The following RABGAP1L variants were observed in gnomAD, a reference collection of about 807,000 sequenced individuals.
RABGAP1L encodes rab GTPase-activating protein 1-like.
A neutral mutation model predicts 137.7 loss-of-function variants in RABGAP1L; 63 were observed. The ratio of observed to expected loss-of-function variants is 0.46; its 90% CI spans 0.37 to 0.56. The LOEUF (loss-of-function observed/expected upper bound fraction) is 0.56, where lower values mean the gene tolerates loss of function less well. RABGAP1L is among the 20% of genes least tolerant of loss of function. RABGAP1L has a pLI of 0.00. For missense variants in RABGAP1L, 1,095 were observed against 1,244.0 expected (o/e 0.88, Z 1.80); for synonymous variants, 431 against 433.7 (o/e 0.99, Z 0.08).
At chr1:174,792,407 G>T (rs1368072253) in intron 18 of RABGAP1L, among the ~76,000 whole-genome samples, 1 of 152,170 alleles carries the variant, frequency 6.6e-6, no homozygotes, top group Non-Finnish European at 1.5e-5. Context: ...TTAGCTTAGA[G>T]AAAAGAAAAT....
intron 1 of RABGAP1L, among the ~76,000 whole-genome samples, chr1:174,215,457 C>CAA (rs776126975): frequency 8.2e-6 from 1 of 121,752 alleles, no homozygotes; most frequent in Non-Finnish European, 1.7e-5. Context: ...AACTCCATCT[C>CAA]AAAAAAAAAA....
At position 174,253,045 on chromosome 1, in the gene RABGAP1L, TATAA is replaced by T. The variant is rs142541592; in HGVS notation, c.986+461_986+464del. Among the ~76,000 whole-genome samples the T allele has an allele frequency of 2.3e-3, 348 of 152,300 alleles. 1 individual carries two copies. Among genetic ancestry groups the T allele is most frequent in the African/African-American group, 7.9e-3 (327 of 41,574 alleles). ...AACAAAGGAATGGTAGGACAAAAGA[TATAA>T]ATAAAGTCAACAAGAAATGATAGTT... On this transcript the variant is annotated intron_variant, in intron 7 of 25. Transcript: ENST00000681986.
rs1558281122 is a variant in RABGAP1L, at chr1:174,957,500, C to T, written c.2384C>T (p.Thr795Ile). The change falls in exon 20 of 26, where the codon ACA becomes ATA. Residue 795 changes from threonine to isoleucine, a missense_variant. Transcript: ENST00000681986. ...AAGAAATATGAGAAAGAATATCAGACAATGCGAGAGAGTCAGCTGCAACAG... is the reference window on the plus strand; with the variant it reads ...AAGAAATATGAGAAAGAATATCAGATAATGCGAGAGAGTCAGCTGCAACAG... The part of the protein sequence containing the change: ...KLKKYEKEYQ[T>I]MRESQLQQED... The T allele has an allele frequency of 6.2e-7, 1 of 1,613,644 alleles. No individual in the cohort carries two copies. Among genetic ancestry groups the T allele is most frequent in the Non-Finnish European group, 8.5e-7 (1 of 1,179,634 alleles).
In RABGAP1L at chr1:174,814,500, T is replaced by C. The variant is rs183776850; in HGVS notation, c.2340+2540T>C. Among the ~76,000 whole-genome samples, 7 of 152,262 alleles carry C rather than the reference T, an allele frequency of 4.6e-5. No individual in the cohort carries two copies. In the East Asian group the frequency reaches 1.4e-3, roughly 29 times the overall value. On this transcript the variant is annotated intron_variant, in intron 19 of 25. Coordinates refer to ENST00000681986, the MANE Select transcript of RABGAP1L (RefSeq NM_001366446.1). Reference sequence around the variant, plus strand: ...AAGGAAGACATAAGTCATCCAGTATTGGGCTGGGATTGTGCTGGGACTAGA... The same window carrying C: ...AAGGAAGACATAAGTCATCCAGTATCGGGCTGGGATTGTGCTGGGACTAGA...
chr1:174,172,188 GT>G (rs1665459246), intron 1 of RABGAP1L, among the ~76,000 whole-genome samples: 1 of 129,268 alleles, frequency 7.7e-6, no homozygotes, highest in African/African-American at 4.3e-5. Flanking sequence ...GTGTGTGTGT[GT>G]GTGTGTGTGT....
intron 14 of RABGAP1L, among the ~76,000 whole-genome samples, chr1:174,654,101 G>A (rs191626000): frequency 5.9e-5 from 9 of 152,326 alleles, no homozygotes; most frequent in Non-Finnish European, 1.0e-4. Flanking sequence ...GATGTAGTTT[G>A]TTTCTAAGGA....
At chr1:174,958,049 T>G (rs1306279939) in intron 20 of RABGAP1L, 1 of 1,528,936 alleles carries the variant, frequency 6.5e-7, no homozygotes, top group East Asian at 2.4e-5. Flanking sequence ...GCATGTCATA[T>G]CCACAAAGAC....
chr1:174,871,373 C>T (rs1652171336), intron 19 of RABGAP1L, among the ~76,000 whole-genome samples: 1 of 152,116 alleles, frequency 6.6e-6, no homozygotes, highest in African/African-American at 2.4e-5. Context: ...ACAGCGTGAT[C>T]TGCCTGCCTT....
At chr1:174,318,175 A>T (rs1679574508) in intron 11 of RABGAP1L, among the ~76,000 whole-genome samples, 1 of 151,262 alleles carries the variant, frequency 6.6e-6, no homozygotes, top group Non-Finnish European at 1.5e-5. Context: ...TGTTAAATTG[A>T]TGTTCTTGCA....
chr1:174,667,870 C>T (rs1676900864), intron 14 of RABGAP1L, among the ~76,000 whole-genome samples: 1 of 152,150 alleles, frequency 6.6e-6, no homozygotes, highest in African/African-American at 2.4e-5. Context: ...TGGACTATGT[C>T]TTTTCAACTT....
intron 15 of RABGAP1L, among the ~76,000 whole-genome samples, chr1:174,686,426 A>G (rs1014416144): frequency 6.6e-6 from 1 of 151,944 alleles, no homozygotes; most frequent in African/African-American, 2.4e-5. Context: ...CAGTTACTTT[A>G]TAGTCACAAA....
intron 14 of RABGAP1L, among the ~76,000 whole-genome samples, chr1:174,677,086 C>G (rs1373188292): frequency 3.4e-5 from 5 of 148,772 alleles, no homozygotes; most frequent in Non-Finnish European, 5.9e-5. Context: ...CTCTGGATGG[C>G]TGAGGCAGAA....
intron 1 of RABGAP1L, among the ~76,000 whole-genome samples, chr1:174,175,341 C>T (rs1665746141): frequency 1.3e-5 from 2 of 152,102 alleles, no homozygotes; most frequent in African/African-American, 4.8e-5. Flanking sequence ...GCATAGATAT[C>T]ATCTTAAAAA....
chr1:174,882,673 A>G (rs1040455680), intron 19 of RABGAP1L, among the ~76,000 whole-genome samples: 1 of 152,238 alleles, frequency 6.6e-6, no homozygotes, highest in Admixed American at 6.5e-5. Context: ...CCCTTTACAT[A>G]AATTACAGAT....
chr1:174,414,123 C>T (rs944630927), intron 13 of RABGAP1L, among the ~76,000 whole-genome samples: 3 of 152,000 alleles, frequency 2.0e-5, no homozygotes, highest in South Asian at 2.1e-4. Flanking sequence ...TTATAACAGA[C>T]TAGTAGCTAC....
At chr1:174,332,809 G>A (rs571961998) in intron 11 of RABGAP1L, among the ~76,000 whole-genome samples, 1 of 152,142 alleles carries the variant, frequency 6.6e-6, no homozygotes, top group Admixed American at 6.6e-5. Flanking sequence ...AAACTGATCC[G>A]GCAGTCTCAC....
chr1:174,195,757 TTC>T (rs1377785472), intron 1 of RABGAP1L, among the ~76,000 whole-genome samples: 3 of 141,222 alleles, frequency 2.1e-5, no homozygotes, highest in Admixed American at 7.2e-5. Context: ...CTTTCTCTCT[TTC>T]TCTCTTTCTC....
At chr1:174,454,987 T>A (rs1655885517) in intron 13 of RABGAP1L, among the ~76,000 whole-genome samples, 1 of 152,202 alleles carries the variant, frequency 6.6e-6, no homozygotes, top group African/African-American at 2.4e-5. Flanking sequence ...TAGGCAGAAT[T>A]CTCCAAAGAA....
At chr1:174,696,669 G>A (rs1404757691) in intron 15 of RABGAP1L, among the ~76,000 whole-genome samples, 2 of 152,172 alleles carry the variant, frequency 1.3e-5, no homozygotes, top group Admixed American at 1.3e-4. Context: ...CTGAGTACCA[G>A]TGCAAAGTCC....
Sources: gnomAD v4.1 joint callset for allele counts (sites outside exome capture counted in the v4.1 genomes callset) on GRCh38, gnomAD v4.1.1 for gene constraint, MANE v1.5 for transcripts, NCBI Gene and HGNC (gene_info 2026-07-23, HGNC 2026-07-21) for gene names.